NKAP: variants seen among roughly 807,000 people sequenced by gnomAD.
NKAP encodes the protein NF-kappa-B-activating protein.
Under a neutral mutation model 35.6 loss-of-function variants are expected in NKAP, and 4 were observed. The ratio of observed to expected loss-of-function variants is 0.11; its 90% CI spans 0.06 to 0.26. NKAP has a LOEUF of 0.26. Ranked by LOEUF, NKAP falls within the 10% of genes least tolerant of loss-of-function variation. The probability of loss-of-function intolerance (pLI) is 1.00; values close to 1 mark genes in which losing one functional copy is unlikely to be tolerated. For missense variants in NKAP, 238 were observed against 321.9 expected (o/e 0.74, Z 1.99); for synonymous variants, 106 against 119.2 (o/e 0.89, Z 0.72).
At position 119,931,969 on chromosome X, in the gene NKAP, T is replaced by C; in HGVS notation, c.890A>G (p.Lys297Arg). The C allele has an allele frequency of 8.3e-7, 1 of 1,206,000 alleles. No individual in the cohort carries two copies. The highest frequency in any genetic ancestry group is 1.1e-6 in the Non-Finnish European group (1 of 891,662). ...TTTATCATCTTGAGAGGTAAGTGTT[T>C]TTGGAGCCTCTGGGCCAATTAAATC... ...PSDLIGPEAPKTLTSQDDKPL... is the reference protein window; with the variant it reads ...PSDLIGPEAPRTLTSQDDKPL... The change falls in exon 7 of 9, where the codon AAA becomes AGA. Residue 297 changes from lysine (K) to arginine (R), a missense_variant. Physicochemically the swap from Lys to Arg is conservative, Grantham distance 26. Transcript: ENST00000371410.
In NKAP at chrX:119,924,849, G is replaced by T. The variant is rs1243998846; in HGVS notation, c.*371C>A. Reference sequence around the variant, plus strand: ...CTACAGGTGTGCGCCACCACTCCTGGCTGATTTTGTATTTTCAGTAGGGAC... The same window carrying T: ...CTACAGGTGTGCGCCACCACTCCTGTCTGATTTTGTATTTTCAGTAGGGAC... On this transcript the variant is annotated 3_prime_UTR_variant, in exon 9 of 9. Transcript: ENST00000371410. 1 of 155,950 alleles carries T rather than the reference G, an allele frequency of 6.4e-6. No individual in the cohort carries two copies. Among genetic ancestry groups the T allele is most frequent in the African/African-American group, 3.4e-5 (1 of 29,657 alleles). 12.9% of individuals were successfully genotyped at this position (155,950 alleles called of 1,213,427 possible).
Position 119,943,241 on chromosome X carries a change from C to T in NKAP, c.365G>A (p.Arg122Lys), listed in dbSNP as rs754074934. The part of the protein sequence containing the change: ...KPWPSLLDKE[R>K]EESLRQKRLS... ...TCACTTCTGCCGCAGGCTCTCCTCC[C>T]TCTCCTTGTCGAGGAGGCTAGGCCA... The change falls in exon 1 of 9, where the codon AGG becomes AAG. Residue 122 changes from arginine (R) to lysine (K), a missense_variant. Around this residue, in one of 5 missense-constraint regions of NKAP, gnomAD observed 123 missense variants for 115.3 expected, o/e 1.07. Transcript: ENST00000371410. The T allele has an allele frequency of 1.4e-4, 170 of 1,193,913 alleles. No homozygotes were observed. Among genetic ancestry groups the T allele is most frequent in the Non-Finnish European group, 1.9e-4 (166 of 885,584 alleles).
rs2056801079 is a variant in NKAP, at chrX:119,943,069, G to A, written c.386+151C>T. 28 of 717,235 alleles carry A rather than the reference G, an allele frequency of 3.9e-5. No homozygotes were observed. In the South Asian group the frequency reaches 7.4e-4, roughly 19 times the overall value. 59.1% of individuals were successfully genotyped at this position (717,235 alleles called of 1,213,427 possible). A position where few individuals can be genotyped will look rare whatever the true frequency, so the allele number is the denominator to read the frequency against. The stretch of plus-strand genomic sequence containing the variant: ...GGAAAATGAAAAGGACGAATAAAGG[G>A]TTGTCGTGGGTGGATTAAAGAAAGG... On this transcript the variant is annotated intron_variant, in intron 1 of 8. Transcript: ENST00000371410.
At position 119,921,137 on chromosome X, in the gene NKAP, C is replaced by G. The variant is rs1020558237; in HGVS notation, c.*4083G>C. The G allele has an allele frequency of 8.9e-6, 1 of 112,065 alleles. No homozygotes were observed. Among genetic ancestry groups the G allele is most frequent in the African/African-American group, 3.2e-5 (1 of 30,879 alleles). The allele number at this position is 112,065 out of a possible 1,213,427, so 9.2% of individuals were successfully genotyped here. ...ACTGGGCATGCTGCCTTCCACAATA[C>G]ACCACTATACTCATGATTGCAGGAG... On this transcript the variant is annotated 3_prime_UTR_variant, in exon 9 of 9. Transcript: ENST00000371410.
chrX:119,925,111 G>T lies in NKAP; in HGVS notation c.*109C>A. The T allele has an allele frequency of 1.3e-6, 1 of 787,689 alleles. No homozygotes were observed. Among genetic ancestry groups the T allele is most frequent in the Non-Finnish European group, 1.8e-6 (1 of 540,719 alleles). 64.9% of individuals were successfully genotyped at this position (787,689 alleles called of 1,213,427 possible). A position where few individuals can be genotyped will look rare whatever the true frequency, so the allele number is the denominator to read the frequency against. ...CTGAAAGAATTAAATAGAAGGCACA[G>T]TAGCACTGTAAAGCTTTCTCAGAAC... is the stretch of plus-strand genomic sequence containing the variant. On this transcript the variant is annotated 3_prime_UTR_variant, in exon 9 of 9. Coordinates refer to ENST00000371410, the MANE Select transcript of NKAP (RefSeq NM_024528.4).
At chrX:119,925,930 T>TTTC (rs1334360805) in intron 8 of NKAP, among the ~76,000 whole-genome samples, 5,869 of 42,288 alleles carry the variant, frequency 0.14, 322 homozygotes, top group African/African-American at 0.45. Context: ...TCCTTTTTTC[T>TTTC]TTTTTTTTTT....
Position 119,943,281 on chromosome X carries a change from C to G in NKAP, c.325G>C (p.Gly109Arg). 1 of 1,210,456 alleles carries G rather than the reference C, an allele frequency of 8.3e-7. No individual in the cohort carries two copies. The highest frequency in any genetic ancestry group is 1.1e-6 in the Non-Finnish European group (1 of 894,797). ...VYYGSYSRPY[G>R]SDKPWPSLLD... Reference sequence around the variant, plus strand: ...AGGCTAGGCCAAGGCTTGTCGCTCCCGTAGGGGCGCGAGTAGCTGCCGTAA... The same window carrying G: ...AGGCTAGGCCAAGGCTTGTCGCTCCGGTAGGGGCGCGAGTAGCTGCCGTAA... The change falls in exon 1 of 9, where the codon GGG (glycine) becomes CGG (arginine). Residue 109 changes from glycine to arginine, a missense_variant. Physicochemically the swap from Gly to Arg is moderately radical, Grantham distance 125. Coordinates refer to ENST00000371410, the MANE Select transcript of NKAP (RefSeq NM_024528.4).
chrX:119,934,430 C>CCAAA, intron 5 of NKAP, 64 bp downstream of exon 5: 2 of 190,557 alleles, frequency 1.0e-5, no homozygotes, highest in South Asian at 2.0e-4. Flanking sequence ...GACTCTGTCT[C>CCAAA]AAAAAAAAAA....
Position 119,943,558 on chromosome X carries a change from G to C in NKAP, c.48C>G (p.Gly16=), listed in dbSNP as rs753357891. 7 of 1,201,599 alleles carry C rather than the reference G, an allele frequency of 5.8e-6. No individual in the cohort carries two copies. The Admixed American group carries it at 1.5e-4, about 26-fold the overall frequency. Residue 16 remains glycine (G), a synonymous_variant, in exon 1 of 9, where the codon GGC becomes GGG. Transcript: ENST00000371410. The part of the protein sequence containing the change: ...GSRSPDREAS[G]SGGRRRSSSK... ...ACGAACTGCGACGTCTTCCCCCCGA[G>C]CCCGAGGCCTCCCTATCCGGGCTGC...
Position 119,940,633 on chromosome X carries a change from A to C in NKAP, c.387-1823T>G, listed in dbSNP as rs2056788752. On this transcript the variant is annotated intron_variant, in intron 1 of 8. Coordinates refer to ENST00000371410, the MANE Select transcript of NKAP (RefSeq NM_024528.4). ...TTGTTTTTAAAAATCCTTCCAAAAT[A>C]AATATAATTGCAATGAGTTTTTGTA... Among the ~76,000 whole-genome samples, 3 of 112,399 alleles carry C rather than the reference A, an allele frequency of 2.7e-5. No individual in the cohort carries two copies. In the South Asian group the frequency reaches 1.1e-3, roughly 40 times the overall value.
chrX:119,943,355 G>A lies in NKAP; in HGVS notation c.251C>T (p.Pro84Leu), dbSNP rs1460046420. The A allele has an allele frequency of 8.3e-7, 1 of 1,211,151 alleles. No homozygotes were observed. Among genetic ancestry groups the A allele is most frequent in the Non-Finnish European group, 1.1e-6 (1 of 895,323 alleles). Residue 84 changes from proline to leucine, a missense_variant, in exon 1 of 9, where the codon CCC (proline) becomes CTC (leucine). Coordinates refer to ENST00000371410, the MANE Select transcript of NKAP (RefSeq NM_024528.4). ...SRSRSRSRER[P>L]SAPRGIPFAS... ...GAAGGGGATGCCCCGGGGCGCAGAG[G>A]GCCGCTCTCTAGAACGCGACCGCGA... is the stretch of plus-strand genomic sequence containing the variant.
In NKAP at chrX:119,923,134, C is replaced by T. The variant is rs768813695; in HGVS notation, c.*2086G>A. 2 of 110,608 alleles carry T rather than the reference C, an allele frequency of 1.8e-5. No individual in the cohort carries two copies. The highest frequency in any genetic ancestry group is 3.8e-4 in the South Asian group (1 of 2,618). 9.1% of individuals were successfully genotyped at this position (110,608 alleles called of 1,213,427 possible). On this transcript the variant is annotated 3_prime_UTR_variant, in exon 9 of 9. Transcript: ENST00000371410. ...GCTGAGGTGGGAGGATCACTTGAAC[C>T]CAGGAGGCAGAGGTTACAGTGAGCC... is the stretch of plus-strand genomic sequence containing the variant.
In NKAP at chrX:119,925,145, C is replaced by T. The variant is rs1299161032; in HGVS notation, c.*75G>A. 14 of 1,043,960 alleles carry T rather than the reference C, an allele frequency of 1.3e-5. No homozygotes were observed. The highest frequency in any genetic ancestry group is 3.0e-5 in the East Asian group (1 of 33,095). The allele number at this position is 1,043,960 out of a possible 1,213,427, so 86.0% of individuals were successfully genotyped here. ...TAAAGCTTTCTCAGAACATAATAAT[C>T]TTTTTCTATGTATGTGTGGAACCCA... On this transcript the variant is annotated 3_prime_UTR_variant, in exon 9 of 9. Coordinates refer to ENST00000371410, the MANE Select transcript of NKAP (RefSeq NM_024528.4).
In NKAP at chrX:119,925,106, G is replaced by T; in HGVS notation, c.*114C>A. On this transcript the variant is annotated 3_prime_UTR_variant, in exon 9 of 9. Coordinates refer to ENST00000371410, the MANE Select transcript of NKAP (RefSeq NM_024528.4). ...AAGGACTGAAAGAATTAAATAGAAGGCACAGTAGCACTGTAAAGCTTTCTC... is the reference window on the plus strand; with the variant it reads ...AAGGACTGAAAGAATTAAATAGAAGTCACAGTAGCACTGTAAAGCTTTCTC... 2.8e-6 allele frequency: 2 copies of T among 722,855 alleles called. No individual in the cohort carries two copies. The highest frequency in any genetic ancestry group is 4.1e-6 in the Non-Finnish European group (2 of 488,181). The allele number at this position is 722,855 out of a possible 1,213,427, so 59.6% of individuals were successfully genotyped here.
rs775889192 is a variant in NKAP, at chrX:119,938,831, AATT to A, written c.387-24_387-22del. 23 of 1,081,473 alleles carry A rather than the reference AATT, an allele frequency of 2.1e-5. No individual in the cohort carries two copies. In the African/African-American group the frequency reaches 4.2e-4, roughly 20 times the overall value. The allele number at this position is 1,081,473 out of a possible 1,213,427, so 89.1% of individuals were successfully genotyped here. On this transcript the variant is annotated intron_variant, in intron 1 of 8. Transcript: ENST00000371410. ...ATCTCCTAGCAGATAAAGACATGTA[AATT>A]ATAACTCAATGGCTGAGTTGTTTCC... is the stretch of plus-strand genomic sequence containing the variant.
intron 5 of NKAP, 65 bp downstream of exon 5, chrX:119,934,429 T>TA (rs1160519275): frequency 4.1e-6 from 1 of 245,641 alleles, no homozygotes; most frequent in Non-Finnish European, 5.2e-6. Flanking sequence ...AGACTCTGTC[T>TA]CAAAAAAAAA....
rs2056693384 is a variant in NKAP at position 119,922,712 on chromosome X, G to A, written c.*2508C>T. ...ACTGAACTCTAGCCTGGGTGACAGA[G>A]GGAGACCCTGTCTCAAAAATAATAA... On this transcript the variant is annotated 3_prime_UTR_variant, in exon 9 of 9. Transcript: ENST00000371410. 2 of 111,147 alleles carry A rather than the reference G, an allele frequency of 1.8e-5. No individual in the cohort carries two copies. The highest frequency in any genetic ancestry group is 3.8e-5 in the Non-Finnish European group (2 of 52,996). The allele number at this position is 111,147 out of a possible 1,213,427, so 9.2% of individuals were successfully genotyped here.
chrX:119,943,161 A>C lies in NKAP; in HGVS notation c.386+59T>G, dbSNP rs1469088863. 172 of 1,126,583 alleles carry C rather than the reference A, an allele frequency of 1.5e-4. 1 individual carries two copies. The highest frequency in any genetic ancestry group is 2.0e-4 in the Non-Finnish European group (168 of 850,311). 92.8% of individuals were successfully genotyped at this position (1,126,583 alleles called of 1,213,427 possible). The stretch of plus-strand genomic sequence containing the variant: ...AATAGTCAGAAGCGGAATGAATGAT[A>C]GATCGGACTCCAAAGGCACGTAGGC... On this transcript the variant is annotated intron_variant, in intron 1 of 8. Coordinates refer to ENST00000371410, the MANE Select transcript of NKAP (RefSeq NM_024528.4).
intron 5 of NKAP, 146 bp downstream of exon 5, chrX:119,934,348 G>A (rs1318750907): frequency 9.1e-6 from 3 of 328,456 alleles, no homozygotes; most frequent in African/African-American, 6.7e-5. Flanking sequence ...CATGAGAATC[G>A]CTTGAACCTG....
Sources: gnomAD v4.1 joint callset for allele counts (sites outside exome capture counted in the v4.1 genomes callset) on GRCh38, gnomAD v4.1.1 for gene constraint, gnomAD v4.1.1 regional missense constraint, MANE v1.5 for transcripts, NCBI Gene and HGNC (gene_info 2026-07-23, HGNC 2026-07-21) for gene names.